The following RPTOR variants were observed in gnomAD, a reference collection of about 807,000 sequenced individuals.
RPTOR encodes regulatory-associated protein of mTOR.
A neutral mutation model predicts 169.9 loss-of-function variants in RPTOR; 21 were observed. The observed-to-expected ratio is 0.12, with a 90% CI of 0.09 to 0.18. The LOEUF is 0.18. Among genes scored for constraint, RPTOR ranks in the 10% least tolerant of loss-of-function variants. RPTOR has a pLI of 1.00. For synonymous variants in RPTOR, 732 were observed against 753.2 expected, an observed-to-expected ratio of 0.97 and a Z score of 0.46; for missense variants, 1,133 against 1,855.9, an observed-to-expected ratio of 0.61 and a Z score of 7.16.
At chr17:80,585,807 T>G (rs2143388006) in intron 1 of RPTOR, among the ~76,000 whole-genome samples, 1 of 152,360 alleles carries the variant, frequency 6.6e-6, no homozygotes, top group Non-Finnish European at 1.5e-5. Flanking sequence ...ATTTTTGGTT[T>G]GGGTTTTAAA....
chr17:80,899,659 C>T (rs9895537), intron 20 of RPTOR, among the ~76,000 whole-genome samples: 7,258 of 152,344 alleles, frequency 0.048, 342 homozygotes, highest in African/African-American at 0.12. Flanking sequence ...CTTGGCACTT[C>T]CCCAACACTG....
chr17:80,675,174 G>T (rs552305040), intron 3 of RPTOR, among the ~76,000 whole-genome samples: 1 of 152,028 alleles, frequency 6.6e-6, no homozygotes, highest in Non-Finnish European at 1.5e-5. Context: ...TTTCTGATTT[G>T]GATGTCTGAA....
intron 1 of RPTOR, among the ~76,000 whole-genome samples, chr17:80,572,160 C>T (rs1599561688): frequency 6.6e-6 from 1 of 151,962 alleles, no homozygotes; most frequent in Non-Finnish European, 1.5e-5. Context: ...TGCAGTGGCA[C>T]CATCACGGCT....
chr17:80,884,915 G>A lies in RPTOR; in HGVS notation c.1843-93G>A, dbSNP rs531993842. 3.6e-5 allele frequency: 53 copies of A among 1,477,216 alleles called. No homozygotes were observed. In the South Asian group the frequency reaches 6.2e-4, roughly 17 times the overall value. The allele number at this position is 1,477,216 out of a possible 1,614,324, so 91.5% of individuals were successfully genotyped here. ...GAGCTGTTGAGCAAGCGCCTGTGGG[G>A]TTGGATTCACCTGCACACACAGCCC... is the stretch of plus-strand genomic sequence containing the variant. On this transcript the variant is annotated intron_variant, in intron 16 of 33. Transcript: ENST00000306801.
chr17:80,848,116 G>A (rs1426424476), intron 11 of RPTOR, among the ~76,000 whole-genome samples: 1 of 152,186 alleles, frequency 6.6e-6, no homozygotes, highest in Non-Finnish European at 1.5e-5. Flanking sequence ...AGTACCGCCG[G>A]CCTGTCCTCG....
At chr17:80,578,298 A>G (rs2064983789) in intron 1 of RPTOR, among the ~76,000 whole-genome samples, 1 of 152,140 alleles carries the variant, frequency 6.6e-6, no homozygotes, top group Non-Finnish European at 1.5e-5. Context: ...AAGGGAGGAA[A>G]TTGAAGGCTT....
At chr17:80,958,199 C>CG (rs1474307779) in intron 29 of RPTOR, among the ~76,000 whole-genome samples, 7 of 36,116 alleles carry the variant, frequency 1.9e-4, no homozygotes, top group Admixed American at 7.7e-4. Flanking sequence ...CCCACCTCAC[C>CG]CCCCCCCCCC....
intron 12 of RPTOR, among the ~76,000 whole-genome samples, chr17:80,857,511 G>A (rs1354724782): frequency 4.6e-5 from 7 of 152,220 alleles, no homozygotes; most frequent in South Asian, 2.1e-4. Context: ...GGCCCCAGGC[G>A]CAAGCAGCCT....
In RPTOR at chr17:80,892,739, T is replaced by A. The variant is rs1567972004; in HGVS notation, c.2112T>A (p.Ser704Arg). 2 of 1,613,580 alleles carry A rather than the reference T, an allele frequency of 1.2e-6. No homozygotes were observed. The highest frequency in any genetic ancestry group is 3.3e-5 in the Admixed American group (2 of 59,974). The change falls in exon 19 of 34, where the codon AGT becomes AGA. Residue 704 changes from serine (S) to arginine (R), a missense_variant. Transcript: ENST00000306801. ...CTCCTTCTTTCCCAGAGGGAGGGAG[T>A]TTGACCCCAGTGCGAGACAGCCCGT... ...LPSPATTEGG[S>R]LTPVRDSPCT...
At chr17:80,890,900 G>A (rs987374317) in intron 17 of RPTOR, among the ~76,000 whole-genome samples, 5 of 152,160 alleles carry the variant, frequency 3.3e-5, no homozygotes, top group Admixed American at 6.5e-5. Flanking sequence ...TCATCCAGCC[G>A]CTGTGGAGAC....
chr17:80,911,511 G>A (rs1167956162), intron 21 of RPTOR, among the ~76,000 whole-genome samples: 2 of 152,206 alleles, frequency 1.3e-5, no homozygotes, highest in African/African-American at 2.4e-5. Context: ...GCTGGGTGTG[G>A]TGGCTCACAC....
intron 3 of RPTOR, among the ~76,000 whole-genome samples, chr17:80,702,009 C>T (rs2066104953): frequency 1.3e-5 from 2 of 152,172 alleles, no homozygotes; most frequent in Non-Finnish European, 1.5e-5. Flanking sequence ...CTCCCATGCT[C>T]AGGGCTCTCC....
At chr17:80,699,053 A>G (rs1188496800) in intron 3 of RPTOR, among the ~76,000 whole-genome samples, 1 of 152,240 alleles carries the variant, frequency 6.6e-6, no homozygotes, top group Non-Finnish European at 1.5e-5. Flanking sequence ...TGCTAAGGAA[A>G]GTGGGTGTTG....
At chr17:80,687,733 G>A (rs917599379) in intron 3 of RPTOR, among the ~76,000 whole-genome samples, 2 of 152,178 alleles carry the variant, frequency 1.3e-5, no homozygotes, top group East Asian at 1.9e-4. Flanking sequence ...GATGATCTCC[G>A]AGGCTGCCTG....
intron 1 of RPTOR, among the ~76,000 whole-genome samples, chr17:80,590,735 TG>T (rs1277182412): frequency 1.3e-5 from 2 of 152,282 alleles, no homozygotes; most frequent in Admixed American, 1.3e-4. Context: ...TTAATATTTT[TG>T]TAACTCTTTT....
At chr17:80,569,153 A>G (rs757502861) in intron 1 of RPTOR, among the ~76,000 whole-genome samples, 19 of 152,066 alleles carry the variant, frequency 1.2e-4, no homozygotes, top group Non-Finnish European at 1.5e-4. Context: ...TTGGGTCTAG[A>G]TGGACTGACT....
rs557943094 is a variant in RPTOR, at chr17:80,707,106, A to G, written c.349-735A>G. On this transcript the variant is annotated intron_variant, in intron 3 of 33. Transcript: ENST00000306801. The surrounding 1 kb of genome is among the most constrained non-coding windows in gnomAD (Gnocchi z 5.0). ...GGTTAAGGGCCCAGGCAGGAGGCGG[A>G]GGGAGGAGCTTTCAGCAGGGCGATT... 2.0e-5 allele frequency among the ~76,000 whole-genome samples: 3 copies of G among 152,206 alleles called. No homozygotes were observed. Among genetic ancestry groups the G allele is most frequent in the East Asian group, 1.9e-4 (1 of 5,178 alleles).
chr17:80,834,203 C>T (rs562726920), intron 9 of RPTOR, among the ~76,000 whole-genome samples: 3 of 152,318 alleles, frequency 2.0e-5, no homozygotes, highest in Non-Finnish European at 2.9e-5. Context: ...GGGCCCAGGC[C>T]GAGCTGTGGC....
At chr17:80,881,735 C>A (rs1405237763) in intron 14 of RPTOR, among the ~76,000 whole-genome samples, 1 of 152,196 alleles carries the variant, frequency 6.6e-6, no homozygotes, top group Admixed American at 6.5e-5. Flanking sequence ...GTGGGAGGAT[C>A]GCCTGAGCCC....
Sources: gnomAD v4.1 joint callset for allele counts (sites outside exome capture counted in the v4.1 genomes callset) on GRCh38, gnomAD v4.1.1 for gene constraint, Gnocchi (gnomAD v3.1) non-coding constraint, MANE v1.5 for transcripts, NCBI Gene and HGNC (gene_info 2026-07-23, HGNC 2026-07-21) for gene names.